GRM1: variants seen among roughly 807,000 people sequenced by gnomAD.
GRM1 encodes the protein glutamate metabotropic receptor 1.
GRM1 carries 33 observed loss-of-function variants against 90.9 expected under a neutral mutation model. That is an observed-to-expected ratio of 0.36 (90% CI 0.28 to 0.49). GRM1 has a LOEUF of 0.49. GRM1 is among the 20% of genes least tolerant of loss of function. GRM1 has a pLI of 0.99. For missense variants in GRM1, 1,190 were observed against 1,534.3 expected (o/e 0.78, Z 3.75); for synonymous variants, 700 against 613.2 (o/e 1.14, Z -2.09).
intron 2 of GRM1, among the ~76,000 whole-genome samples, chr6:146,206,892 G>T (rs182069458): frequency 1.3e-5 from 2 of 152,060 alleles, no homozygotes; most frequent in African/African-American, 4.8e-5. Context: ...TTATAAATAA[G>T]AACATGTGGT....
chr6:146,253,242 A>G (rs959615190), intron 2 of GRM1, among the ~76,000 whole-genome samples: 3 of 152,308 alleles, frequency 2.0e-5, no homozygotes, highest in African/African-American at 7.2e-5. Context: ...GGATTTGTTT[A>G]GAGATTTAAG....
At chr6:146,098,525 C>T (rs1249607425) in intron 1 of GRM1, among the ~76,000 whole-genome samples, 1 of 151,776 alleles carries the variant, frequency 6.6e-6, no homozygotes, top group South Asian at 2.1e-4. Flanking sequence ...TGTTGTTTTG[C>T]GTTAGATGTA....
intron 2 of GRM1, among the ~76,000 whole-genome samples, chr6:146,266,854 G>A (rs1180008553): frequency 1.3e-5 from 2 of 152,214 alleles, no homozygotes; most frequent in East Asian, 3.8e-4. Flanking sequence ...TAGAGATAAA[G>A]AGCAAATTCC....
At chr6:146,235,094 T>C (rs1358534474) in intron 2 of GRM1, among the ~76,000 whole-genome samples, 1 of 152,074 alleles carries the variant, frequency 6.6e-6, no homozygotes, top group Non-Finnish European at 1.5e-5. Context: ...TCCTCTAACA[T>C]TGTAGTGCAG....
intron 1 of GRM1, among the ~76,000 whole-genome samples, chr6:146,128,254 C>T (rs1324935227): frequency 6.6e-6 from 1 of 152,130 alleles, no homozygotes; most frequent in African/African-American, 2.4e-5. Context: ...GTAGGAAGAA[C>T]ATGTGGAAGG....
At chr6:146,057,395 A>C (rs1396563101) in intron 1 of GRM1, among the ~76,000 whole-genome samples, 1 of 152,280 alleles carries the variant, frequency 6.6e-6, no homozygotes, top group East Asian at 1.9e-4. Flanking sequence ...CTCTGTCTTC[A>C]CTGATAACTA....
At chr6:146,315,214 A>G (rs1396337540) in intron 3 of GRM1, among the ~76,000 whole-genome samples, 3 of 152,082 alleles carry the variant, frequency 2.0e-5, no homozygotes, top group Non-Finnish European at 2.9e-5. Flanking sequence ...CTTTTAGAGG[A>G]CATGGAAAAA....
chr6:146,309,614 C>T (rs991208435), intron 3 of GRM1, among the ~76,000 whole-genome samples: 12 of 151,848 alleles, frequency 7.9e-5, no homozygotes, highest in Non-Finnish European at 1.8e-4. Flanking sequence ...ATTTTAAAAG[C>T]TCCATAATAT....
intron 1 of GRM1, among the ~76,000 whole-genome samples, chr6:146,081,308 A>G (rs1776357206): frequency 6.6e-6 from 1 of 152,218 alleles, no homozygotes; most frequent in African/African-American, 2.4e-5. Context: ...AAGAAGCTAC[A>G]GAGAGAGGCC....
At chr6:146,081,991 T>C (rs1174665902) in intron 1 of GRM1, among the ~76,000 whole-genome samples, 1 of 152,108 alleles carries the variant, frequency 6.6e-6, no homozygotes, top group African/African-American at 2.4e-5. Flanking sequence ...ACGGGGAAGT[T>C]AAAGTTAGTT....
chr6:146,317,922 A>G (rs1342426199), intron 3 of GRM1, among the ~76,000 whole-genome samples: 2 of 152,240 alleles, frequency 1.3e-5, no homozygotes, highest in Non-Finnish European at 2.9e-5. Flanking sequence ...CAATCTATCA[A>G]ACTAATAAAC....
chr6:146,309,562 T>C (rs1367308427), intron 3 of GRM1, among the ~76,000 whole-genome samples: 3 of 152,150 alleles, frequency 2.0e-5, no homozygotes, highest in African/African-American at 7.2e-5. Flanking sequence ...AGGATTATAT[T>C]TTACATAGTT....
intron 3 of GRM1, among the ~76,000 whole-genome samples, chr6:146,325,105 T>G (rs1395006131): frequency 1.3e-5 from 2 of 152,216 alleles, no homozygotes; most frequent in Non-Finnish European, 2.9e-5. Context: ...AATATCTTTA[T>G]TTTCTAATCA....
intron 2 of GRM1, among the ~76,000 whole-genome samples, chr6:146,214,126 C>T (rs1362793023): frequency 6.6e-6 from 1 of 152,088 alleles, no homozygotes; most frequent in Non-Finnish European, 1.5e-5. Context: ...GGATCTTCCC[C>T]CAGGCAGTCC....
rs1179430869 is a variant in GRM1, at chr6:146,398,752, G to A, written c.1730-17G>A. 1.3e-6 allele frequency: 2 copies of A among 1,571,806 alleles called. No homozygotes were observed. Among genetic ancestry groups the A allele is most frequent in the African/African-American group, 1.3e-5 (1 of 74,138 alleles). Reference sequence around the variant, plus strand: ...AGAAACCTTGGATTCATGCTCAAATGATTTTTCTCATCACAGGCTGTGAGC... The same window carrying A: ...AGAAACCTTGGATTCATGCTCAAATAATTTTTCTCATCACAGGCTGTGAGC... On this transcript the variant is annotated splice_polypyrimidine_tract_variant and intron_variant, in intron 6 of 7. Coordinates refer to ENST00000282753, the MANE Select transcript of GRM1 (RefSeq NM_001278064.2).
chr6:146,029,521 G>C lies in GRM1; in HGVS notation c.4G>C (p.Val2Leu). ...TGTGGACCTCGTCCTCACCACCATG[G>C]TCGGGCTCCTTTTGTTTTTTTTCCC... M[V>L]GLLLFFFPAI... Residue 2 changes from valine to leucine, a missense_variant, in exon 1 of 8, where the codon GTC (valine) becomes CTC (leucine). Transcript: ENST00000282753. 1 of 1,613,590 alleles carries C rather than the reference G, an allele frequency of 6.2e-7. No individual in the cohort carries two copies. The highest frequency in any genetic ancestry group is 1.3e-5 in the African/African-American group (1 of 75,044).
At chr6:146,180,435 G>T (rs1409997705) in intron 2 of GRM1, among the ~76,000 whole-genome samples, 2 of 151,976 alleles carry the variant, frequency 1.3e-5, no homozygotes, top group African/African-American at 4.8e-5. Flanking sequence ...ACATAATGAG[G>T]TTATACTTAG....
chr6:146,319,568 A>T (rs2114965523), intron 3 of GRM1, among the ~76,000 whole-genome samples: 1 of 152,212 alleles, frequency 6.6e-6, no homozygotes, highest in South Asian at 2.1e-4. Flanking sequence ...CAGTATGGCC[A>T]TTTTCAAGAT....
At chr6:146,196,547 C>T (rs901655496) in intron 2 of GRM1, among the ~76,000 whole-genome samples, 13 of 148,684 alleles carry the variant, frequency 8.7e-5, no homozygotes, top group South Asian at 4.3e-4. Flanking sequence ...CCTCATGATC[C>T]GCCCACCTTG....
Sources: gnomAD v4.1 joint callset for allele counts (sites outside exome capture counted in the v4.1 genomes callset) on GRCh38, gnomAD v4.1.1 for gene constraint, MANE v1.5 for transcripts, NCBI Gene and HGNC (gene_info 2026-07-23, HGNC 2026-07-21) for gene names.